TMEM132D: variants seen among roughly 807,000 people sequenced by gnomAD.
TMEM132D encodes transmembrane protein 132D.
TMEM132D carries 21 observed loss-of-function variants against 62.3 expected under a neutral mutation model. The observed-to-expected ratio is 0.34, with a 90% CI of 0.24 to 0.49. The LOEUF (loss-of-function observed/expected upper bound fraction) is 0.49. TMEM132D is among the 20% of genes least tolerant of loss of function. The pLI is 0.99. For synonymous variants in TMEM132D, 621 were observed against 575.6 expected (o/e 1.08, Z -1.13); for missense variants, 1,346 against 1,402.8 (o/e 0.96, Z 0.65).
At chr12:129,459,305 C>T (rs1873581511) in intron 3 of TMEM132D, among the ~76,000 whole-genome samples, 1 of 152,208 alleles carries the variant, frequency 6.6e-6, no homozygotes, top group Non-Finnish European at 1.5e-5. Context: ...GAAAATCTTT[C>T]CTCTTCTGCG....
chr12:129,631,358 A>G (rs1158610703), intron 2 of TMEM132D, among the ~76,000 whole-genome samples: 1 of 152,172 alleles, frequency 6.6e-6, no homozygotes, highest in African/African-American at 2.4e-5. Flanking sequence ...AAAGCAGCAA[A>G]ATGCAACCTG....
At chr12:129,116,921 A>C (rs1875911619) in intron 5 of TMEM132D, among the ~76,000 whole-genome samples, 6 of 40,950 alleles carry the variant, frequency 1.5e-4, no homozygotes, top group Admixed American at 4.9e-4. Context: ...ATTTCCGCAA[A>C]AAAAAAAAAA....
At chr12:129,395,259 T>C (rs949720133) in intron 3 of TMEM132D, among the ~76,000 whole-genome samples, 3 of 152,176 alleles carry the variant, frequency 2.0e-5, no homozygotes, top group African/African-American at 7.2e-5. Flanking sequence ...ATGAGGCTGA[T>C]GGGTTTTTGA....
At chr12:129,233,069 T>G (rs923629636) in intron 4 of TMEM132D, among the ~76,000 whole-genome samples, 3 of 152,216 alleles carry the variant, frequency 2.0e-5, no homozygotes, top group African/African-American at 7.2e-5. Context: ...AATGCCTCCT[T>G]TTTCATTTCT....
At chr12:129,736,688 T>C (rs1869436221) in intron 1 of TMEM132D, among the ~76,000 whole-genome samples, 1 of 152,206 alleles carries the variant, frequency 6.6e-6, no homozygotes, top group Non-Finnish European at 1.5e-5. Context: ...AAAATGCTCT[T>C]GTTCATTGCC....
At chr12:129,853,939 C>A (rs1873629526) in intron 1 of TMEM132D, 1 of 152,266 alleles carries the variant, frequency 6.6e-6, no homozygotes, top group Non-Finnish European at 1.5e-5. Flanking sequence ...ACAGAAGTTT[C>A]CAGGTAACAG....
At chr12:129,177,161 CAAGT>C (rs1248463674) in intron 5 of TMEM132D, among the ~76,000 whole-genome samples, 2 of 152,208 alleles carry the variant, frequency 1.3e-5, no homozygotes, top group Non-Finnish European at 2.9e-5. Flanking sequence ...AGTGGAATTA[CAAGT>C]AAGAGTATCT....
intron 1 of TMEM132D, among the ~76,000 whole-genome samples, chr12:129,902,764 T>C (rs532786504): frequency 6.6e-6 from 1 of 152,252 alleles, no homozygotes; most frequent in South Asian, 2.1e-4. Context: ...GCTATATTTT[T>C]GGCAGCCTAT....
At chr12:129,583,248 C>G (rs1463522302) in intron 2 of TMEM132D, among the ~76,000 whole-genome samples, 1 of 152,156 alleles carries the variant, frequency 6.6e-6, no homozygotes, top group Non-Finnish European at 1.5e-5. Flanking sequence ...GCTATGTACT[C>G]TATGATTACC....
chr12:129,484,072 C>T (rs1053193490), intron 3 of TMEM132D, among the ~76,000 whole-genome samples: 2 of 152,146 alleles, frequency 1.3e-5, no homozygotes, highest in African/African-American at 2.4e-5. Flanking sequence ...CGGGTTCAAG[C>T]GATTCTTTTG....
At chr12:129,179,894 G>A (rs984630636) in intron 5 of TMEM132D, among the ~76,000 whole-genome samples, 4 of 152,084 alleles carry the variant, frequency 2.6e-5, no homozygotes, top group African/African-American at 9.7e-5. Context: ...CAGGCGTGGT[G>A]GCTGGAGCCT....
chr12:129,473,697 T>C (rs1240316486), intron 3 of TMEM132D, among the ~76,000 whole-genome samples: 2 of 152,196 alleles, frequency 1.3e-5, no homozygotes, highest in African/African-American at 4.8e-5. Flanking sequence ...GCACACTTGA[T>C]AAACTATAGA....
chr12:129,828,967 G>A (rs1417136904), intron 1 of TMEM132D, among the ~76,000 whole-genome samples: 1 of 151,816 alleles, frequency 6.6e-6, no homozygotes, highest in East Asian at 2.0e-4. Flanking sequence ...GTCACTATGA[G>A]GAGGTGGCCG....
intron 3 of TMEM132D, among the ~76,000 whole-genome samples, chr12:129,408,802 CAG>C (rs1440803712): frequency 6.6e-6 from 1 of 152,156 alleles, no homozygotes; most frequent in Non-Finnish European, 1.5e-5. Flanking sequence ...CATATTTTGT[CAG>C]AGTTTCATGG....
At position 129,877,628 on chromosome 12, in the gene TMEM132D, C is replaced by CACACACACAGAG. The variant is rs869172595; in HGVS notation, c.79+25632_79+25633insCTCTGTGTGTGT. Among the ~76,000 whole-genome samples the CACACACACAGAG allele has an allele frequency of 2.8e-3, 412 of 146,944 alleles. 2 individuals carry two copies. Among genetic ancestry groups the CACACACACAGAG allele is most frequent in the African/African-American group, 0.01 (395 of 38,534 alleles). On this transcript the variant is annotated intron_variant, in intron 1 of 8. Coordinates refer to ENST00000422113, the MANE Select transcript of TMEM132D (RefSeq NM_133448.3). Reference sequence around the variant, plus strand: ...GCGCGCGCGCGCACACACACACACACAGAGAGAGAGAGAGAGAGAGAGAGA... The same window carrying CACACACACAGAG: ...GCGCGCGCGCGCACACACACACACACACACACACAGAGAGAGAGAGAGAGAGAGAGAGAGAGA...
intron 4 of TMEM132D, among the ~76,000 whole-genome samples, chr12:129,315,325 C>A (rs560956719): frequency 2.8e-4 from 42 of 152,166 alleles, no homozygotes; most frequent in African/African-American, 9.6e-4. Context: ...CCCTTGTATG[C>A]TGATTTTGCT....
intron 4 of TMEM132D, among the ~76,000 whole-genome samples, chr12:129,279,787 C>T (rs568060997): frequency 3.9e-5 from 6 of 152,254 alleles, no homozygotes; most frequent in African/African-American, 1.2e-4. Flanking sequence ...CACAAGCGTC[C>T]GATGGTGATC....
intron 1 of TMEM132D, among the ~76,000 whole-genome samples, chr12:129,717,908 C>G (rs377115945): frequency 6.6e-6 from 1 of 152,174 alleles, no homozygotes; most frequent in Non-Finnish European, 1.5e-5. Flanking sequence ...GAAGTCCAGT[C>G]TACATTCCGG....
At chr12:129,597,881 G>T (rs897720612) in intron 2 of TMEM132D, among the ~76,000 whole-genome samples, 2 of 152,102 alleles carry the variant, frequency 1.3e-5, no homozygotes, top group Non-Finnish European at 2.9e-5. Flanking sequence ...ATTTAGAAGG[G>T]CTTTATTGGC....
Sources: gnomAD v4.1 joint callset for allele counts (sites outside exome capture counted in the v4.1 genomes callset) on GRCh38, gnomAD v4.1.1 for gene constraint, MANE v1.5 for transcripts, NCBI Gene and HGNC (gene_info 2026-07-23, HGNC 2026-07-21) for gene names.